Variants in SLC30A7 observed in about 807,000 individuals in gnomAD.
SLC30A7 encodes zinc transporter 7.
Under a neutral mutation model 46.0 loss-of-function variants are expected in SLC30A7, and 35 were observed. The observed-to-expected ratio is 0.76, with a 90% CI of 0.58 to 1.01. The LOEUF (loss-of-function observed/expected upper bound fraction) is 1.01. Ranked by LOEUF, SLC30A7 falls within the 50% of genes least tolerant of loss-of-function variation. The pLI, the probability that SLC30A7 is intolerant of heterozygous loss-of-function variation, is 0.00. For synonymous variants in SLC30A7, 147 were observed against 157.8 expected (o/e 0.93, Z 0.51); for missense variants, 464 against 451.1 (o/e 1.03, Z -0.26).
chr1:100,955,551 C>T (rs1655178061), intron 8 of SLC30A7, among the ~76,000 whole-genome samples: 1 of 152,072 alleles, frequency 6.6e-6, no homozygotes, highest in African/African-American at 2.4e-5. Context: ...AAGTGAACCT[C>T]TAATTGTTTC....
intron 8 of SLC30A7, among the ~76,000 whole-genome samples, chr1:100,922,980 A>G (rs1193962764): frequency 3.2e-5 from 4 of 124,390 alleles, no homozygotes; most frequent in African/African-American, 1.2e-4. Context: ...CAAGATTTTT[A>G]TAGCTTGTAG....
At chr1:100,991,339 ACAATGAT>A in the SLC30A7 span, among the ~76,000 whole-genome samples, 2 of 152,240 alleles carry the variant, frequency 1.3e-5, no homozygotes, top group African/African-American at 4.8e-5. Flanking sequence ...TCTTGATTGA[ACAATGAT>A]CAAAAGGGGG....
At chr1:100,923,004 ATTTTTTTTTTTTTTTTTTTTT>A (rs71084855) in intron 8 of SLC30A7, among the ~76,000 whole-genome samples, 1 of 49,110 alleles carries the variant, frequency 2.0e-5, no homozygotes, top group East Asian at 7.3e-4. Context: ...GTTAGAATAG[ATTTTTTTTTTTTTTTTTTTTT>A]TTTTTTTTTT....
chr1:100,949,841 G>T (rs1654864106), intron 8 of SLC30A7, among the ~76,000 whole-genome samples: 1 of 152,226 alleles, frequency 6.6e-6, no homozygotes, highest in Non-Finnish European at 1.5e-5. Flanking sequence ...AGAATCTCCT[G>T]GTCTGCCGGT....
chr1:100,976,462 C>T lies in SLC30A7; in HGVS notation c.*1605C>T, dbSNP rs1558014287. On this transcript the variant is annotated 3_prime_UTR_variant, in exon 11 of 11. Transcript: ENST00000357650. ...GCTGAGTTGATTTTCTAGGTTCTTA[C>T]GTATTTGAAAAATAAAATTGCAATT... The T allele has an allele frequency of 6.6e-6, 1 of 152,068 alleles. No individual in the cohort carries two copies. Among genetic ancestry groups the T allele is most frequent in the Non-Finnish European group, 1.5e-5 (1 of 68,012 alleles). The allele number at this position is 152,068 out of a possible 1,614,324, so 9.4% of individuals were successfully genotyped here. A position where few individuals can be genotyped will look rare whatever the true frequency, so the allele number is the denominator to read the frequency against.
intron 10 of SLC30A7, among the ~76,000 whole-genome samples, chr1:100,969,434 G>C (rs757405861): frequency 6.6e-6 from 1 of 152,114 alleles, no homozygotes; most frequent in Non-Finnish European, 1.5e-5. Flanking sequence ...CTAAGACTTT[G>C]GCATTTACTC....
intron 7 of SLC30A7, among the ~76,000 whole-genome samples, chr1:100,919,574 A>G (rs1652816951): frequency 1.3e-5 from 2 of 152,206 alleles, no homozygotes; most frequent in Admixed American, 1.3e-4. Context: ...GAAATAACAT[A>G]TAATCATGCA....
downstream of SLC30A7, among the ~76,000 whole-genome samples, chr1:100,983,641 G>C (rs1657107232): frequency 6.6e-6 from 1 of 152,160 alleles, no homozygotes; most frequent in Non-Finnish European, 1.5e-5. Flanking sequence ...TTTTGTGAAA[G>C]AGCAACTGCT....
intron 6 of SLC30A7, among the ~76,000 whole-genome samples, chr1:100,917,416 ATAGTAGGTACATTGT>A (rs1304068335): frequency 6.6e-6 from 1 of 152,184 alleles, no homozygotes; most frequent in Non-Finnish European, 1.5e-5. Context: ...ACAAATGATG[ATAGTAGGTACATTGT>A]TAGTTGTGAT....
intron 10 of SLC30A7, among the ~76,000 whole-genome samples, chr1:100,969,314 T>C (rs889888726): frequency 2.6e-5 from 4 of 152,206 alleles, no homozygotes; most frequent in African/African-American, 9.6e-5. Context: ...TTCACTGACA[T>C]TTCCAGATTA....
intron 2 of SLC30A7, 74 bp downstream of exon 2, chr1:100,896,745 G>T: frequency 7.9e-7 from 1 of 1,271,196 alleles, no homozygotes; most frequent in South Asian, 1.2e-5. Flanking sequence ...TTAATGCCAC[G>T]TAGCTCCTCA....
intron 9 of SLC30A7, among the ~76,000 whole-genome samples, chr1:100,962,908 G>C (rs17610195): frequency 0.072 from 10,976 of 152,122 alleles, 534 homozygotes; most frequent in Non-Finnish European, 0.1. Context: ...TTTTGGGAGT[G>C]GATTATATTA....
At chr1:100,989,782 C>T in the SLC30A7 span, 2 of 152,294 alleles carry the variant, frequency 1.3e-5, no homozygotes, top group Admixed American at 1.3e-4. Flanking sequence ...AAAAACTGCT[C>T]TTAAATGATT....
intron 1 of SLC30A7, 23 bp downstream of exon 1, chr1:100,896,365 G>A: frequency 1.2e-6 from 2 of 1,613,288 alleles, no homozygotes; most frequent in Non-Finnish European, 8.5e-7. Context: ...GTGTTTGCGG[G>A]GAGGGGGTGT....
Position 100,981,027 on chromosome 1 carries a change from CA to C in SLC30A7, c.*6171del, listed in dbSNP as rs1656900442. ...TTACCTTTCTCTTTTTCCTCTCAAA[CA>C]CAAAATTTTAGTAGTACCTCCCTCT... On this transcript the variant is annotated 3_prime_UTR_variant, in exon 11 of 11. Transcript: ENST00000357650. The C allele has an allele frequency of 6.6e-6, 1 of 152,002 alleles. No individual in the cohort carries two copies. The highest frequency in any genetic ancestry group is 1.5e-5 in the Non-Finnish European group (1 of 67,908). The allele number at this position is 152,002 out of a possible 1,614,324, so 9.4% of individuals were successfully genotyped here. A position where few individuals can be genotyped will look rare whatever the true frequency, so the allele number is the denominator to read the frequency against.
chr1:100,899,498 A>C (rs906681052), intron 2 of SLC30A7, among the ~76,000 whole-genome samples: 6 of 152,126 alleles, frequency 3.9e-5, no homozygotes, highest in Admixed American at 2.0e-4. Context: ...TAGTGTAACA[A>C]TGTGGTTTTG....
At chr1:100,982,059 T>G (rs1429154952), downstream of SLC30A7, among the ~76,000 whole-genome samples, 3 of 152,240 alleles carry the variant, frequency 2.0e-5, no homozygotes, top group Non-Finnish European at 2.9e-5. Context: ...ATGGATGACT[T>G]TGTCTTATAT....
chr1:100,973,155 G>T lies in SLC30A7; in HGVS notation c.1084-1655G>T, dbSNP rs116299255. Reference sequence around the variant, plus strand: ...GAGCCTGCAAGCCTTTTATCCATTCGAGTAGTTCCTGAATCCTTTCAAGCA... The same window carrying T: ...GAGCCTGCAAGCCTTTTATCCATTCTAGTAGTTCCTGAATCCTTTCAAGCA... On this transcript the variant is annotated intron_variant, in intron 10 of 10. Transcript: ENST00000357650. Among the ~76,000 whole-genome samples, 924 of 151,782 alleles carry T rather than the reference G, an allele frequency of 6.1e-3. 14 individuals carry two copies. Among genetic ancestry groups the T allele is most frequent in the African/African-American group, 0.019 (798 of 41,406 alleles).
chr1:100,991,904 C>T, the SLC30A7 span, among the ~76,000 whole-genome samples: 3 of 150,596 alleles, frequency 2.0e-5, no homozygotes, highest in South Asian at 2.1e-4. Flanking sequence ...CCAAGGAATT[C>T]GAGAAAAGCC....
Sources: gnomAD v4.1 joint callset for allele counts (sites outside exome capture counted in the v4.1 genomes callset) on GRCh38, gnomAD v4.1.1 for gene constraint, MANE v1.5 for transcripts, NCBI Gene and HGNC (gene_info 2026-07-23, HGNC 2026-07-21) for gene names.